C6orf163: variants seen among roughly 807,000 people sequenced by gnomAD.
C6orf163 encodes chromosome 6 open reading frame 163.
Under a neutral mutation model 28.4 loss-of-function variants are expected in C6orf163, and 22 were observed. That is an observed-to-expected ratio of 0.78 (90% CI 0.55 to 1.11). The LOEUF (loss-of-function observed/expected upper bound fraction) is 1.11, where lower values mean the gene tolerates loss of function less well. Among genes scored for constraint, C6orf163 ranks in the 50% least tolerant of loss-of-function variants. C6orf163 has a pLI of 0.00. For synonymous variants in C6orf163, 110 were observed against 123.6 expected, an observed-to-expected ratio of 0.89 and a Z score of 0.73; for missense variants, 342 against 389.1, an observed-to-expected ratio of 0.88 and a Z score of 1.02.
At position 87,365,314 on chromosome 6, in the gene C6orf163, G is replaced by A. The variant is rs774648848; in HGVS notation, c.908G>A (p.Gly303Glu). ...TATACCTTTCCTAAGCTTTCACCAG[G>A]ACATGCAGATTTTATTCTGCCAGAA... ...INYTFPKLSP[G>E]HADFILPERK... The change falls in exon 5 of 5, where the codon GGA becomes GAA. Residue 303 changes from glycine to glutamate, a missense_variant. Transcript: ENST00000388923. The A allele has an allele frequency of 1.3e-6, 2 of 1,551,500 alleles. No homozygotes were observed. The highest frequency in any genetic ancestry group is 2.4e-5 in the South Asian group (2 of 84,038).
intron 3 of C6orf163, among the ~76,000 whole-genome samples, chr6:87,353,947 G>A (rs1172161416): frequency 6.6e-6 from 1 of 152,170 alleles, no homozygotes; most frequent in Non-Finnish European, 1.5e-5. Context: ...TGCCTCCTGA[G>A]TTCAAGTGAT....
chr6:87,356,390 C>G lies in C6orf163; in HGVS notation c.441C>G (p.Val147=). 1 of 1,551,632 alleles carries G rather than the reference C, an allele frequency of 6.4e-7. No homozygotes were observed. The highest frequency in any genetic ancestry group is 8.7e-7 in the Non-Finnish European group (1 of 1,146,974). ...REHLAAEQRM[V]HRIQRIMMEC... is the part of the protein sequence containing the mutation. ...ACTTGGCTGCAGAACAGCGCATGGT[C>G]CACAGAATCCAAAGGATTATGATGG... The change falls in exon 4 of 5, where the codon GTC becomes GTG. Residue 147 remains valine (V), a synonymous_variant. Transcript: ENST00000388923.
In C6orf163 at chr6:87,344,924, G is replaced by C; in HGVS notation, c.-176G>C. On this transcript the variant is annotated 5_prime_UTR_variant, in exon 1 of 5. Coordinates refer to ENST00000388923, the MANE Select transcript of C6orf163 (RefSeq NM_001010868.3). ...CTTTTAGCACCATTCTTTAACGTTAGACACATAACCACAGCCTAATCACTT... is the reference window on the plus strand; with the variant it reads ...CTTTTAGCACCATTCTTTAACGTTACACACATAACCACAGCCTAATCACTT... 1 of 526,792 alleles carries C rather than the reference G, an allele frequency of 1.9e-6. No homozygotes were observed. Among genetic ancestry groups the C allele is most frequent in the Non-Finnish European group, 3.3e-6 (1 of 303,760 alleles). The allele number at this position is 526,792 out of a possible 1,614,324, so 32.6% of individuals were successfully genotyped here. A position where few individuals can be genotyped will look rare whatever the true frequency, so the allele number is the denominator to read the frequency against.
intron 3 of C6orf163, among the ~76,000 whole-genome samples, chr6:87,350,710 C>T (rs1296348677): frequency 6.6e-6 from 1 of 152,154 alleles, no homozygotes; most frequent in Non-Finnish European, 1.5e-5. Context: ...AGCTTACTTC[C>T]CAAGGGAAGC....
chr6:87,358,862 C>G (rs1176313115), intron 4 of C6orf163, among the ~76,000 whole-genome samples: 1 of 152,160 alleles, frequency 6.6e-6, no homozygotes, highest in African/African-American at 2.4e-5. Context: ...GGAAACTAAG[C>G]AAACTGCCAA....
intron 4 of C6orf163, among the ~76,000 whole-genome samples, chr6:87,363,704 C>A (rs976434774): frequency 1.4e-4 from 22 of 151,832 alleles, no homozygotes; most frequent in Non-Finnish European, 2.9e-4. Flanking sequence ...GCATAGTATT[C>A]CATGGTGTAT....
chr6:87,345,425 C>T (rs1777308203), intron 1 of C6orf163, among the ~76,000 whole-genome samples, 178 bp downstream of exon 1: 1 of 152,168 alleles, frequency 6.6e-6, no homozygotes, highest in Admixed American at 6.5e-5. Flanking sequence ...ATGTATTGGG[C>T]AGGGTATTTA....
chr6:87,352,123 G>C (rs1363183684), intron 3 of C6orf163, among the ~76,000 whole-genome samples: 1 of 152,114 alleles, frequency 6.6e-6, no homozygotes, highest in Non-Finnish European at 1.5e-5. Flanking sequence ...TTTGTCCGGG[G>C]GTTGAGAATT....
At position 87,365,376 on chromosome 6, in the gene C6orf163, A is replaced by T. The variant is rs770114344; in HGVS notation, c.970A>T (p.Asn324Tyr). Residue 324 changes from asparagine to tyrosine, a missense_variant, in exon 5 of 5, where the codon AAC becomes TAC. Asn to Tyr is a moderately radical substitution (Grantham distance 143). Coordinates refer to ENST00000388923, the MANE Select transcript of C6orf163 (RefSeq NM_001010868.3). Reference protein sequence around the residue: ...KTPSNLVIKENKTTLD With the variant: ...KTPSNLVIKEYKTTLD Reference sequence around the variant, plus strand: ...ACCTTCTAATCTTGTTATTAAGGAGAACAAAACAACTCTTGATTAGAAGTC... The same window carrying T: ...ACCTTCTAATCTTGTTATTAAGGAGTACAAAACAACTCTTGATTAGAAGTC... 6.5e-7 allele frequency: 1 copy of T among 1,534,006 alleles called. No individual in the cohort carries two copies. The highest frequency in any genetic ancestry group is 8.8e-7 in the Non-Finnish European group (1 of 1,137,674).
chr6:87,360,922 C>T (rs1175894798), intron 4 of C6orf163, among the ~76,000 whole-genome samples: 1 of 152,128 alleles, frequency 6.6e-6, no homozygotes, highest in African/African-American at 2.4e-5. Context: ...GCACTGCACC[C>T]CACCCCACTC....
intron 1 of C6orf163, among the ~76,000 whole-genome samples, chr6:87,345,693 G>A (rs1777311410): frequency 6.6e-6 from 1 of 151,902 alleles, no homozygotes; most frequent in Non-Finnish European, 1.5e-5. Flanking sequence ...TGGTCGAGGT[G>A]GGCAGATCAC....
intron 3 of C6orf163, among the ~76,000 whole-genome samples, chr6:87,354,939 G>A (rs1249764796): frequency 6.6e-6 from 1 of 152,220 alleles, no homozygotes; most frequent in Non-Finnish European, 1.5e-5. Context: ...TCTCTCAGGG[G>A]CTCCCATAGA....
At chr6:87,346,954 G>T (rs1338456235) in intron 1 of C6orf163, among the ~76,000 whole-genome samples, 1 of 152,156 alleles carries the variant, frequency 6.6e-6, no homozygotes, top group South Asian at 2.1e-4. Context: ...CACTGGCATT[G>T]AAACAATACT....
intron 2 of C6orf163, among the ~76,000 whole-genome samples, chr6:87,349,796 C>A (rs1562229093): frequency 6.6e-6 from 1 of 152,160 alleles, no homozygotes; most frequent in Non-Finnish European, 1.5e-5. Context: ...TCTTTGTAGT[C>A]ATCTATTTTT....
rs575452992 is a variant in C6orf163, at chr6:87,365,428, C to T, written c.*32C>T. 5.0e-5 allele frequency: 66 copies of T among 1,315,620 alleles called. No homozygotes were observed. In the Admixed American group the frequency reaches 1.6e-3, roughly 32 times the overall value. The allele number at this position is 1,315,620 out of a possible 1,614,324, so 81.5% of individuals were successfully genotyped here. A position where few individuals can be genotyped will look rare whatever the true frequency, so the allele number is the denominator to read the frequency against. On this transcript the variant is annotated 3_prime_UTR_variant, in exon 5 of 5. Coordinates refer to ENST00000388923, the MANE Select transcript of C6orf163 (RefSeq NM_001010868.3). ...TCAGTTGAAATTCCACTACAAAAGACATCATTCCAGACTAAATAAATTTAC... is the reference window on the plus strand; with the variant it reads ...TCAGTTGAAATTCCACTACAAAAGATATCATTCCAGACTAAATAAATTTAC...
chr6:87,351,498 A>G (rs1044683177), intron 3 of C6orf163, among the ~76,000 whole-genome samples: 1 of 152,208 alleles, frequency 6.6e-6, no homozygotes, highest in Non-Finnish European at 1.5e-5. Flanking sequence ...CCTGAAGGCT[A>G]GTGGGATGCT....
intron 4 of C6orf163, chr6:87,356,722 A>G (rs1434624444): frequency 2.1e-6 from 1 of 483,104 alleles, no homozygotes; most frequent in East Asian, 3.3e-5. Flanking sequence ...CCTACCACCC[A>G]GCTTAAGGGA....
chr6:87,365,179 A>AG lies in C6orf163; in HGVS notation c.778dup (p.Glu260GlyfsTer40), dbSNP rs1562233348. The AG allele has an allele frequency of 2.6e-6, 4 of 1,551,844 alleles. No homozygotes were observed. Among genetic ancestry groups the AG allele is most frequent in the Non-Finnish European group, 3.5e-6 (4 of 1,147,010 alleles). ...ATGATGGATAAACTGGCTAACACCC[A>AG]GGGGGAGCTGCTGTCTATAGCAAAA... On this transcript the variant is annotated frameshift_variant, in exon 5 of 5. Coordinates refer to ENST00000388923, the MANE Select transcript of C6orf163 (RefSeq NM_001010868.3). LOFTEE classifies it high-confidence loss of function.
At chr6:87,360,451 C>T (rs910255056) in intron 4 of C6orf163, among the ~76,000 whole-genome samples, 1 of 141,906 alleles carries the variant, frequency 7.0e-6, no homozygotes, top group East Asian at 2.1e-4. Context: ...GGCTGGAGTG[C>T]AGTGATGCGA....
Sources: gnomAD v4.1 joint callset for allele counts (sites outside exome capture counted in the v4.1 genomes callset) on GRCh38, gnomAD v4.1.1 for gene constraint, MANE v1.5 for transcripts, NCBI Gene and HGNC (gene_info 2026-07-23, HGNC 2026-07-21) for gene names.